The following MEI4 variants were observed in gnomAD, a reference collection of about 807,000 sequenced individuals.
The protein encoded by MEI4 is meiosis-specific protein MEI4.
In MEI4, 27 loss-of-function variants were observed where a neutral mutation model predicts 31.4. The ratio of observed to expected loss-of-function variants is 0.86; its 90% confidence interval spans 0.63 to 1.19. The LOEUF (loss-of-function observed/expected upper bound fraction) is 1.19, where lower values mean the gene tolerates loss of function less well. MEI4 is among the 50% of genes most tolerant of loss of function. The pLI, the probability that MEI4 is intolerant of heterozygous loss-of-function variation, is 0.00. For synonymous variants in MEI4, 122 were observed against 145.4 expected (o/e 0.84, Z 1.16); for missense variants, 329 against 398.9 (o/e 0.82, Z 1.49).
chr6:77,680,577 T>A (rs1045081073), intron 1 of MEI4, among the ~76,000 whole-genome samples: 4 of 152,160 alleles, frequency 2.6e-5, no homozygotes, highest in Non-Finnish European at 1.5e-5. Context: ...AGGAATGAGC[T>A]TAAAGGGCCA....
chr6:77,858,912 A>C (rs1770800952), intron 4 of MEI4, among the ~76,000 whole-genome samples: 1 of 82,704 alleles, frequency 1.2e-5, no homozygotes, highest in Non-Finnish European at 2.5e-5. Context: ...TCTTCTAAAA[A>C]AAAAAGAAAA....
At chr6:77,902,300 C>T (rs1455508116) in intron 4 of MEI4, among the ~76,000 whole-genome samples, 1 of 152,008 alleles carries the variant, frequency 6.6e-6, no homozygotes, top group East Asian at 1.9e-4. Context: ...TTTTGAGATA[C>T]TATAGGCATT....
chr6:77,785,983 C>T (rs1768726203), intron 3 of MEI4, among the ~76,000 whole-genome samples: 1 of 152,118 alleles, frequency 6.6e-6, no homozygotes, highest in South Asian at 2.1e-4. Flanking sequence ...GCCACAGAAA[C>T]ATCTGAAGCA....
intron 2 of MEI4, among the ~76,000 whole-genome samples, chr6:77,733,741 T>C (rs569980975): frequency 6.6e-6 from 1 of 152,206 alleles, no homozygotes; most frequent in Admixed American, 6.5e-5. Context: ...TCTGGATCTT[T>C]TCTGCTTTCT....
At chr6:77,922,438 C>T (rs960752813) in intron 4 of MEI4, among the ~76,000 whole-genome samples, 8 of 151,576 alleles carry the variant, frequency 5.3e-5, no homozygotes, top group South Asian at 2.1e-4. Context: ...AATGATAAAG[C>T]CAGTTTTCAT....
chr6:77,864,963 A>C (rs549898802), intron 4 of MEI4, among the ~76,000 whole-genome samples: 337 of 152,322 alleles, frequency 2.2e-3, no homozygotes, highest in African/African-American at 7.4e-3. Flanking sequence ...AAACTGAACA[A>C]CCTGCTCCTG....
chr6:77,893,018 A>C (rs950021069), intron 4 of MEI4, among the ~76,000 whole-genome samples: 4 of 152,104 alleles, frequency 2.6e-5, no homozygotes. Context: ...GTGGAAAAAG[A>C]TATTTTTCCC....
At chr6:77,710,520 CAAAAAAA>C (rs1198470708) in intron 2 of MEI4, among the ~76,000 whole-genome samples, 4 of 57,716 alleles carry the variant, frequency 6.9e-5, no homozygotes, top group Non-Finnish European at 9.5e-5. Context: ...GACTCCATCT[CAAAAAAA>C]AAAAAAAAAA....
At chr6:77,831,470 TAA>T (rs374683101) in intron 4 of MEI4, among the ~76,000 whole-genome samples, 7 of 151,548 alleles carry the variant, frequency 4.6e-5, no homozygotes, top group Non-Finnish European at 1.0e-4. Flanking sequence ...GAAATCAACC[TAA>T]GTGTCCATCA....
chr6:77,856,469 G>A (rs1770747759), intron 4 of MEI4, among the ~76,000 whole-genome samples: 1 of 152,104 alleles, frequency 6.6e-6, no homozygotes, highest in South Asian at 2.1e-4. Flanking sequence ...AGGAAGGACA[G>A]GCTTCATGAA....
intron 4 of MEI4, among the ~76,000 whole-genome samples, chr6:77,908,802 C>A (rs1337291044): frequency 6.6e-6 from 1 of 151,970 alleles, no homozygotes; most frequent in East Asian, 1.9e-4. Context: ...AGAGCTAACT[C>A]TCCTAAATAT....
At chr6:77,674,374 G>A (rs1452323866) in intron 1 of MEI4, among the ~76,000 whole-genome samples, 1 of 152,130 alleles carries the variant, frequency 6.6e-6, no homozygotes, top group Non-Finnish European at 1.5e-5. Context: ...CTATGGTAAT[G>A]TCATTTCAGT....
chr6:77,705,198 G>A (rs934396351), intron 2 of MEI4, among the ~76,000 whole-genome samples: 3 of 148,330 alleles, frequency 2.0e-5, no homozygotes, highest in Admixed American at 6.7e-5. Flanking sequence ...TACTGCCTTC[G>A]TTTGTTCTTA....
chr6:77,848,490 A>T (rs1389264256), intron 4 of MEI4, among the ~76,000 whole-genome samples: 1 of 152,206 alleles, frequency 6.6e-6, no homozygotes, highest in Non-Finnish European at 1.5e-5. Context: ...ATAAGTAAAT[A>T]AAAACTAAAG....
At chr6:77,799,825 A>G (rs1769196202) in intron 3 of MEI4, among the ~76,000 whole-genome samples, 1 of 152,026 alleles carries the variant, frequency 6.6e-6, no homozygotes, top group Admixed American at 6.6e-5. Flanking sequence ...GTTATTTCTG[A>G]GGGCTCTGTT....
chr6:77,786,534 A>G (rs1186997065), intron 3 of MEI4, among the ~76,000 whole-genome samples: 1 of 152,162 alleles, frequency 6.6e-6, no homozygotes, highest in African/African-American at 2.4e-5. Context: ...TTCCTTCTAT[A>G]CAACATTTTA....
intron 3 of MEI4, among the ~76,000 whole-genome samples, chr6:77,795,150 C>T (rs1769042947): frequency 1.3e-5 from 2 of 151,838 alleles, no homozygotes; most frequent in Non-Finnish European, 2.9e-5. Context: ...AACTTTACAC[C>T]TAAAATAACT....
At chr6:77,713,741 T>A (rs1766517680) in intron 2 of MEI4, among the ~76,000 whole-genome samples, 1 of 152,238 alleles carries the variant, frequency 6.6e-6, no homozygotes, top group Non-Finnish European at 1.5e-5. Flanking sequence ...TGCTCTAATC[T>A]GATTGCTATT....
intron 4 of MEI4, among the ~76,000 whole-genome samples, chr6:77,900,857 A>G (rs1766172599): frequency 6.6e-6 from 1 of 151,920 alleles, no homozygotes; most frequent in Non-Finnish European, 1.5e-5. Flanking sequence ...GTCCGTTGAC[A>G]TCTCTCCAGT....
Sources: gnomAD v4.1 joint callset for allele counts (sites outside exome capture counted in the v4.1 genomes callset) on GRCh38, gnomAD v4.1.1 for gene constraint, MANE v1.5 for transcripts, NCBI Gene and HGNC (gene_info 2026-07-23, HGNC 2026-07-21) for gene names.